Variants in GPC5 observed in about 807,000 individuals in gnomAD.
The protein encoded by GPC5 is glypican 5.
GPC5 carries 47 observed loss-of-function variants against 53.9 expected under a neutral mutation model. That is an observed-to-expected ratio of 0.87 (90% confidence interval 0.69 to 1.11). The LOEUF is 1.11. Among genes scored for constraint, GPC5 ranks in the 50% most tolerant of loss-of-function variants. GPC5 has a pLI of 0.00. For synonymous variants in GPC5, 286 were observed against 263.3 expected (o/e 1.09, Z -0.84); for missense variants, 748 against 713.1 (o/e 1.05, Z -0.56).
intron 2 of GPC5, among the ~76,000 whole-genome samples, chr13:91,528,090 A>G (rs1465406459): frequency 6.6e-6 from 1 of 152,176 alleles, no homozygotes; most frequent in African/African-American, 2.4e-5. Context: ...CTCATTATTT[A>G]TGCAAATATA....
chr13:92,285,728 AC>A, intron 7 of GPC5, among the ~76,000 whole-genome samples: 1 of 152,330 alleles, frequency 6.6e-6, no homozygotes, highest in South Asian at 2.1e-4. Context: ...TACACCTTAT[AC>A]AAAAATTAAT....
intron 7 of GPC5, among the ~76,000 whole-genome samples, chr13:92,481,854 C>A (rs1343719199): frequency 1.3e-5 from 2 of 152,054 alleles, no homozygotes; most frequent in Admixed American, 1.3e-4. Context: ...TGTGGCTGGG[C>A]GCAGTGGCTG....
intron 6 of GPC5, among the ~76,000 whole-genome samples, chr13:92,025,123 T>C (rs1037189620): frequency 6.6e-6 from 1 of 152,166 alleles, no homozygotes; most frequent in Non-Finnish European, 1.5e-5. Flanking sequence ...TGTTTCTTTT[T>C]TTCTTTAAGC....
At chr13:92,417,489 T>C (rs2139357652) in intron 7 of GPC5, among the ~76,000 whole-genome samples, 1 of 152,290 alleles carries the variant, frequency 6.6e-6, no homozygotes, top group Non-Finnish European at 1.5e-5. Flanking sequence ...CACTCCTAGG[T>C]ATATATGCCT....
chr13:92,804,123 A>C (rs1246918734), intron 7 of GPC5, among the ~76,000 whole-genome samples: 1 of 151,964 alleles, frequency 6.6e-6, no homozygotes, highest in Admixed American at 6.6e-5. Flanking sequence ...TACTTATATG[A>C]AGCATCCTAC....
chr13:92,395,219 A>C (rs970473414), intron 7 of GPC5, among the ~76,000 whole-genome samples: 1 of 152,180 alleles, frequency 6.6e-6, no homozygotes, highest in Non-Finnish European at 1.5e-5. Context: ...GTAGCATTTT[A>C]TATGATCCAA....
intron 7 of GPC5, among the ~76,000 whole-genome samples, chr13:92,825,705 T>G (rs1456709115): frequency 6.6e-6 from 1 of 152,164 alleles, no homozygotes; most frequent in Non-Finnish European, 1.5e-5. Flanking sequence ...AACTCCATTC[T>G]GATTCTCCTC....
rs547816403 is a variant in GPC5, at chr13:92,417,551, T to C, written c.1561+272562T>C. Among the ~76,000 whole-genome samples, 70 of 152,292 alleles carry C rather than the reference T, an allele frequency of 4.6e-4. No homozygotes were observed. In the South Asian group the frequency reaches 0.014, roughly 30 times the overall value. ...AAAACTTGTGCACAAATGTTCATAG[T>C]AAGATTATTCATAATTGCTAAATGA... On this transcript the variant is annotated intron_variant, in intron 7 of 7. Coordinates refer to ENST00000377067, the MANE Select transcript of GPC5 (RefSeq NM_004466.6).
At chr13:92,848,796 A>C (rs1878695079) in intron 7 of GPC5, among the ~76,000 whole-genome samples, 1 of 152,204 alleles carries the variant, frequency 6.6e-6, no homozygotes, top group African/African-American at 2.4e-5. Flanking sequence ...ATGGATCTAC[A>C]CCAGAAACAA....
chr13:92,823,209 CATA>C (rs1043412820), intron 7 of GPC5, among the ~76,000 whole-genome samples: 1 of 152,070 alleles, frequency 6.6e-6, no homozygotes, highest in Non-Finnish European at 1.5e-5. Flanking sequence ...GAACCAGGTG[CATA>C]GGAAATATAG....
chr13:91,968,069 G>T (rs2139086374), intron 6 of GPC5, among the ~76,000 whole-genome samples: 1 of 151,946 alleles, frequency 6.6e-6, no homozygotes, highest in African/African-American at 2.4e-5. Flanking sequence ...ACTTTCATTT[G>T]CTGTATTTGT....
intron 7 of GPC5, among the ~76,000 whole-genome samples, chr13:92,201,293 G>A (rs1386535329): frequency 2.0e-5 from 3 of 152,162 alleles, no homozygotes; most frequent in Non-Finnish European, 4.4e-5. Flanking sequence ...TCAGTTCTAA[G>A]TTACAACAGT....
chr13:92,382,463 A>G (rs1566565771), intron 7 of GPC5, among the ~76,000 whole-genome samples: 1 of 152,150 alleles, frequency 6.6e-6, no homozygotes, highest in Non-Finnish European at 1.5e-5. Context: ...GGTTACAATG[A>G]TCTGTTGTAT....
chr13:91,456,619 G>A (rs372201032), intron 2 of GPC5, among the ~76,000 whole-genome samples: 2 of 151,560 alleles, frequency 1.3e-5, no homozygotes, highest in Admixed American at 6.6e-5. Context: ...ATATATCAAG[G>A]GAAAATTGTA....
chr13:92,809,402 T>C (rs1877212772), intron 7 of GPC5, among the ~76,000 whole-genome samples: 1 of 152,102 alleles, frequency 6.6e-6, no homozygotes, highest in South Asian at 2.1e-4. Flanking sequence ...GTACATGACT[T>C]CACAATTCAG....
intron 7 of GPC5, among the ~76,000 whole-genome samples, chr13:92,561,238 G>A (rs1187417765): frequency 6.6e-6 from 1 of 151,912 alleles, no homozygotes; most frequent in South Asian, 2.1e-4. Flanking sequence ...ATTTACATAC[G>A]ATCATTATAT....
rs1361568170 is a variant in GPC5 at position 92,201,010 on chromosome 13, C to T, written c.1561+56021C>T. On this transcript the variant is annotated intron_variant, in intron 7 of 7. Coordinates refer to ENST00000377067, the MANE Select transcript of GPC5 (RefSeq NM_004466.6). Reference sequence around the variant, plus strand: ...ACACACACACACACACACACACACACGCACACACACGGGAGGTTACGCCTT... The same window carrying T: ...ACACACACACACACACACACACACATGCACACACACGGGAGGTTACGCCTT... 4.7e-5 allele frequency among the ~76,000 whole-genome samples: 7 copies of T among 149,712 alleles called. 1 individual carries two copies. In the South Asian group the frequency reaches 6.3e-4, roughly 13 times the overall value.
chr13:92,503,500 A>G (rs1594256447), intron 7 of GPC5, among the ~76,000 whole-genome samples: 1 of 151,572 alleles, frequency 6.6e-6, no homozygotes, highest in Non-Finnish European at 1.5e-5. Flanking sequence ...AAAAAAGAGC[A>G]AAGTAAACTC....
intron 2 of GPC5, among the ~76,000 whole-genome samples, chr13:91,674,524 CGT>C (rs2035329564): frequency 1.5e-5 from 2 of 135,980 alleles, no homozygotes; most frequent in East Asian, 2.2e-4. Context: ...CACATATATG[CGT>C]ATGTGTATAT....
Sources: allele counts gnomAD v4.1 joint callset (sites outside exome capture counted in the v4.1 genomes callset), GRCh38; gene constraint gnomAD v4.1.1; transcripts MANE v1.5; gene names NCBI Gene and HGNC (gene_info 2026-07-23, HGNC 2026-07-21).